The following DENND6A variants were observed in gnomAD, a reference collection of about 807,000 sequenced individuals.
DENND6A encodes the protein protein DENND6A.
Under a neutral mutation model 95.5 loss-of-function variants are expected in DENND6A, and 43 were observed. That is an observed-to-expected ratio of 0.45 (90% CI 0.35 to 0.58). The LOEUF is 0.58. Among genes scored for constraint, DENND6A ranks in the 20% least tolerant of loss-of-function variants. The pLI, the probability that DENND6A is intolerant of heterozygous loss-of-function variation, is 0.00. For missense variants in DENND6A, 574 were observed against 736.0 expected (o/e 0.78, Z 2.55); for synonymous variants, 257 against 260.4 (o/e 0.99, Z 0.13).
intron 12 of DENND6A, 146 bp downstream of exon 12, chr3:57,641,507 A>T: frequency 2.2e-6 from 1 of 457,434 alleles, no homozygotes; most frequent in Non-Finnish European, 3.7e-6. Flanking sequence ...TGCATATTTT[A>T]GTGGGAAATT....
chr3:57,676,493 C>T (rs2071712321), intron 1 of DENND6A, among the ~76,000 whole-genome samples: 1 of 151,244 alleles, frequency 6.6e-6, no homozygotes, highest in Non-Finnish European at 1.5e-5. Context: ...GCACACATGC[C>T]AGTGGAGATG....
intron 1 of DENND6A, among the ~76,000 whole-genome samples, chr3:57,689,983 C>T (rs551215116): frequency 1.1e-4 from 17 of 149,204 alleles, no homozygotes; most frequent in Non-Finnish European, 2.2e-4. Flanking sequence ...TTTAGGAGTT[C>T]GAGGTTGTAG....
chr3:57,667,450 C>T (rs963885449), intron 3 of DENND6A, among the ~76,000 whole-genome samples: 1 of 152,212 alleles, frequency 6.6e-6, no homozygotes, highest in African/African-American at 2.4e-5. Flanking sequence ...AGCCACCACA[C>T]CTGGCCTTAA....
Position 57,657,744 on chromosome 3 carries a change from TAGAAA to T in DENND6A, c.763-14_763-10del, listed in dbSNP as rs1559818750. On this transcript the variant is annotated splice_polypyrimidine_tract_variant and intron_variant, in intron 8 of 19. Transcript: ENST00000311128. ...GATATATTTGTGTCCACCTGAGAGA[TAGAAA>T]AGAAAAATAAAAGAAGGTATCACCA... 7 of 1,560,870 alleles carry T rather than the reference TAGAAA, an allele frequency of 4.5e-6. No individual in the cohort carries two copies. The African/African-American group carries it at 8.3e-5, about 18-fold the overall frequency.
intron 1 of DENND6A, among the ~76,000 whole-genome samples, chr3:57,691,418 T>C (rs1350952347): frequency 6.6e-6 from 1 of 152,122 alleles, no homozygotes; most frequent in Non-Finnish European, 1.5e-5. Context: ...TAATTCTTGG[T>C]TCTCCTCTAA....
intron 18 of DENND6A, among the ~76,000 whole-genome samples, chr3:57,629,091 G>T (rs1176687693): frequency 6.6e-6 from 1 of 152,152 alleles, no homozygotes; most frequent in Admixed American, 6.5e-5. Flanking sequence ...CAGAATAATT[G>T]TCTCATATTT....
rs1275186513 is a variant in DENND6A, at chr3:57,692,726, T to G, written c.237+56A>C. The G allele has an allele frequency of 2.0e-5, 27 of 1,374,222 alleles. No homozygotes were observed. The South Asian group carries it at 4.1e-4, about 21-fold the overall frequency. 85.1% of individuals were successfully genotyped at this position (1,374,222 alleles called of 1,614,324 possible). Reference sequence around the variant, plus strand: ...TCAGCCCGCGGGCCGCTGGCTTTGCTGCAGCCGCCCCGGCGCAGGGGAGGA... The same window carrying G: ...TCAGCCCGCGGGCCGCTGGCTTTGCGGCAGCCGCCCCGGCGCAGGGGAGGA... On this transcript the variant is annotated intron_variant, in intron 1 of 19. Transcript: ENST00000311128.
chr3:57,672,124 T>C, intron 3 of DENND6A, 132 bp downstream of exon 3: 2 of 883,400 alleles, frequency 2.3e-6, no homozygotes, highest in Non-Finnish European at 3.4e-6. Context: ...CTAGGCATCA[T>C]TAAAATAGGA....
At chr3:57,674,902 A>G (rs1245580770) in intron 1 of DENND6A, among the ~76,000 whole-genome samples, 1 of 152,332 alleles carries the variant, frequency 6.6e-6, no homozygotes, top group Admixed American at 6.5e-5. Context: ...ATTGTCTCTT[A>G]TAAGTGGGAG....
At chr3:57,688,457 C>T (rs1246701588) in intron 1 of DENND6A, among the ~76,000 whole-genome samples, 1 of 152,066 alleles carries the variant, frequency 6.6e-6, no homozygotes, top group African/African-American at 2.4e-5. Flanking sequence ...CTAGCGAAAC[C>T]TTGTCTCCTA....
chr3:57,638,557 CTAAGGCAGGAGAATTGCTTGA>C (rs1559807085), intron 12 of DENND6A, among the ~76,000 whole-genome samples: 5 of 152,108 alleles, frequency 3.3e-5, no homozygotes, highest in African/African-American at 1.2e-4. Flanking sequence ...ACTCGGGGAG[CTAAGGCAGGAGAATTGCTTGA>C]ACCCGGGAGG....
At position 57,661,434 on chromosome 3, in the gene DENND6A, T is replaced by G; in HGVS notation, c.619+12A>C. On this transcript the variant is annotated intron_variant, in intron 6 of 19. Coordinates refer to ENST00000311128, the MANE Select transcript of DENND6A (RefSeq NM_152678.3). ...TTTAAAACTCCTGCATAAAGGTATA[T>G]GTTAAACTTACCTGCTTCCAAATAA... 1 of 1,551,276 alleles carries G rather than the reference T, an allele frequency of 6.4e-7. No homozygotes were observed. The highest frequency in any genetic ancestry group is 8.6e-7 in the Non-Finnish European group (1 of 1,158,486).
At chr3:57,669,352 T>C (rs1292880511) in intron 3 of DENND6A, among the ~76,000 whole-genome samples, 1 of 152,052 alleles carries the variant, frequency 6.6e-6, no homozygotes, top group Admixed American at 6.6e-5. Flanking sequence ...GTACCAACCA[T>C]ACTTCAAGTC....
rs142737214 is a variant in DENND6A at position 57,689,710 on chromosome 3, G to A, written c.237+3072C>T. ...ATTATCTTCCTCTGGCTTTGGAAGT[G>A]AGTTAAAGATTCACTCTTTTTCACT... On this transcript the variant is annotated intron_variant, in intron 1 of 19. Coordinates refer to ENST00000311128, the MANE Select transcript of DENND6A (RefSeq NM_152678.3). Among the ~76,000 whole-genome samples the A allele has an allele frequency of 1.8e-3, 274 of 152,288 alleles. 1 individual carries two copies. The highest frequency in any genetic ancestry group is 0.017 in the Middle Eastern group (5 of 294).
chr3:57,667,752 C>T (rs2071547271), intron 3 of DENND6A, among the ~76,000 whole-genome samples: 1 of 152,110 alleles, frequency 6.6e-6, no homozygotes, highest in Non-Finnish European at 1.5e-5. Context: ...TTCATAGCAA[C>T]TTGATATTGC....
At position 57,680,389 on chromosome 3, in the gene DENND6A, T is replaced by C. The variant is rs554708597; in HGVS notation, c.238-7951A>G. Among the ~76,000 whole-genome samples the C allele has an allele frequency of 3.5e-4, 54 of 152,290 alleles. 2 individuals carry two copies. The South Asian group carries it at 0.011, about 30-fold the overall frequency. Reference sequence around the variant, plus strand: ...GTGAAACCTTTGGGAGGCGATCAAGTCGTGAGGGCAGAGCCCTCATGATTG... The same window carrying C: ...GTGAAACCTTTGGGAGGCGATCAAGCCGTGAGGGCAGAGCCCTCATGATTG... On this transcript the variant is annotated intron_variant, in intron 1 of 19. Transcript: ENST00000311128.
chr3:57,628,065 T>A lies in DENND6A; in HGVS notation c.*149A>T. Reference sequence around the variant, plus strand: ...AAGTAATGCACTAAAAAGGTCTGTTTATACAATACAGTCTTTCTACCCTGT... The same window carrying A: ...AAGTAATGCACTAAAAAGGTCTGTTAATACAATACAGTCTTTCTACCCTGT... On this transcript the variant is annotated 3_prime_UTR_variant, in exon 20 of 20. Coordinates refer to ENST00000311128, the MANE Select transcript of DENND6A (RefSeq NM_152678.3). 1 of 1,173,998 alleles carries A rather than the reference T, an allele frequency of 8.5e-7. No homozygotes were observed. Among genetic ancestry groups the A allele is most frequent in the Non-Finnish European group, 1.2e-6 (1 of 854,620 alleles). 72.7% of individuals were successfully genotyped at this position (1,173,998 alleles called of 1,614,324 possible).
intron 15 of DENND6A, among the ~76,000 whole-genome samples, chr3:57,631,548 GA>G (rs2070674669): frequency 1.3e-5 from 2 of 152,072 alleles, no homozygotes; most frequent in South Asian, 4.2e-4. Context: ...CTATAGGCCA[GA>G]TAATGCACTC....
At position 57,679,578 on chromosome 3, in the gene DENND6A, C is replaced by A. The variant is rs1485073912; in HGVS notation, c.238-7140G>T. ...AGGATGGAAAGTACAGTACTGGTAC[C>A]AAAACCATGTTTTGGTCCTAATTAG... On this transcript the variant is annotated intron_variant, in intron 1 of 19. Transcript: ENST00000311128. 13 of 985,062 alleles carry A rather than the reference C, an allele frequency of 1.3e-5. No homozygotes were observed. The Admixed American group carries it at 8.0e-4, about 61-fold the overall frequency. The allele number at this position is 985,062 out of a possible 1,614,324, so 61.0% of individuals were successfully genotyped here. A position where few individuals can be genotyped will look rare whatever the true frequency, so the allele number is the denominator to read the frequency against.
Sources: gnomAD v4.1 joint callset for allele counts (sites outside exome capture counted in the v4.1 genomes callset) on GRCh38, gnomAD v4.1.1 for gene constraint, MANE v1.5 for transcripts, NCBI Gene and HGNC (gene_info 2026-07-23, HGNC 2026-07-21) for gene names.